The following POMGNT1 variants were observed in gnomAD, a reference collection of about 807,000 sequenced individuals.
The protein encoded by POMGNT1 is protein O-linked-mannose beta-1,2-N-acetylglucosaminyltransferase 1.
Under a neutral mutation model 95.6 loss-of-function variants are expected in POMGNT1, and 67 were observed. The observed-to-expected ratio is 0.70, with a 90% confidence interval of 0.58 to 0.86. The LOEUF is 0.86. Among genes scored for constraint, POMGNT1 ranks in the 40% least tolerant of loss-of-function variants. The pLI, the probability that POMGNT1 is intolerant of heterozygous loss-of-function variation, is 0.00. For missense variants in POMGNT1, 719 were observed against 855.2 expected, an observed-to-expected ratio of 0.84 and a Z score of 1.99; for synonymous variants, 298 against 317.9, an observed-to-expected ratio of 0.94 and a Z score of 0.66.
chr1:46,189,074 A>C lies in POMGNT1; in HGVS notation c.*196T>G, dbSNP rs1657535365. The C allele has an allele frequency of 6.6e-7, 1 of 1,517,980 alleles. No homozygotes were observed. Among genetic ancestry groups the C allele is most frequent in the Admixed American group, 2.2e-5 (1 of 46,108 alleles). The allele number at this position is 1,517,980 out of a possible 1,614,324, so 94.0% of individuals were successfully genotyped here. ...CTGCCCTTCTCCAACAAGGAAGTAA[A>C]TAAATAGACTTTTAACTCAGGAACG... On this transcript the variant is annotated 3_prime_UTR_variant, in exon 22 of 22. Coordinates refer to ENST00000371984, the MANE Select transcript of POMGNT1 (RefSeq NM_017739.4).
intron 1 of POMGNT1, among the ~76,000 whole-genome samples, chr1:46,208,767 G>A (rs1169093619): frequency 6.6e-6 from 1 of 152,134 alleles, no homozygotes; most frequent in Non-Finnish European, 1.5e-5. Flanking sequence ...CTTGAACCCT[G>A]GAGGCGGAGG....
intron 16 of POMGNT1, 37 bp from the exon 17 acceptor site, chr1:46,192,260 T>C (rs1657834589): frequency 2.5e-6 from 4 of 1,614,010 alleles, no homozygotes; most frequent in Non-Finnish European, 3.4e-6. Context: ...TTAAGATGTT[T>C]CGAGTTGGTA....
At chr1:46,209,609 A>G (rs1195976199) in intron 1 of POMGNT1, among the ~76,000 whole-genome samples, 1 of 150,090 alleles carries the variant, frequency 6.7e-6, no homozygotes, top group African/African-American at 2.5e-5. Context: ...CAGTGGCCCA[A>G]TCTCAGCTCA....
chr1:46,197,402 C>T (rs1459237317), intron 2 of POMGNT1: 10 of 1,486,762 alleles, frequency 6.7e-6, no homozygotes, highest in African/African-American at 1.4e-5. Context: ...GGGACCCAAG[C>T]GGGGGATCAG....
exon 1 of POMGNT1, chr1:46,220,105 C>A (rs768034344): frequency 6.2e-7 from 1 of 1,614,208 alleles, no homozygotes; most frequent in Non-Finnish European, 8.5e-7. Flanking sequence ...TGGAAGCCCC[C>A]AGGGGAGAGG....
In POMGNT1 at chr1:46,192,549, C is replaced by A; in HGVS notation, c.1253G>T (p.Ser418Ile). The change falls in exon 15 of 22, where the codon AGC (serine) becomes ATC (isoleucine). Residue 418 changes from serine to isoleucine, a missense_variant. Transcript: ENST00000371984. Reference protein sequence around the residue: ...QSIHLLEEDDSLYCISAWNDQ... With the variant: ...QSIHLLEEDDILYCISAWNDQ... Reference sequence around the variant, plus strand: ...ATTCCAGGCAGAGATGCAGTACAGGCTGTCATCCTCCTCCAGTAGGTGGAT... The same window carrying A: ...ATTCCAGGCAGAGATGCAGTACAGGATGTCATCCTCCTCCAGTAGGTGGAT... The A allele has an allele frequency of 6.2e-7, 1 of 1,614,204 alleles. No homozygotes were observed. The highest frequency in any genetic ancestry group is 8.5e-7 in the Non-Finnish European group (1 of 1,180,034).
chr1:46,201,861 G>T (rs1445845296), upstream of POMGNT1, among the ~76,000 whole-genome samples: 1 of 151,610 alleles, frequency 6.6e-6, no homozygotes. Context: ...GTGTGGCTGG[G>T]CATGGTGGCA....
At chr1:46,193,428 T>G in intron 11 of POMGNT1, 40 bp from the exon 12 acceptor site, 1 of 1,606,204 alleles carries the variant, frequency 6.2e-7, no homozygotes, top group East Asian at 2.2e-5. Flanking sequence ...GAGGTCACTT[T>G]CCCTCTGCCC....
intron 17 of POMGNT1, chr1:46,191,696 G>A (rs1325286232): frequency 1.8e-5 from 6 of 325,058 alleles, no homozygotes; most frequent in East Asian, 8.2e-5. Flanking sequence ...GTGCAGTGGC[G>A]TGATCTTGGC....
In POMGNT1 at chr1:46,192,301, C is replaced by T. The variant is rs372521038; in HGVS notation, c.1413+7G>A. The T allele has an allele frequency of 3.7e-6, 6 of 1,614,074 alleles. No homozygotes were observed. The African/African-American group carries it at 4.0e-5, about 11-fold the overall frequency. On this transcript the variant is annotated splice_region_variant and intron_variant, in intron 16 of 21. Transcript: ENST00000371984. ...CTCCAGCCCCCTCACCCTACCCTGACAGTTACCTTTTCCGGTGTAGGCCAC... is the reference window on the plus strand; with the variant it reads ...CTCCAGCCCCCTCACCCTACCCTGATAGTTACCTTTTCCGGTGTAGGCCAC...
At position 46,205,370 on chromosome 1, in the gene POMGNT1, A is replaced by G. The variant is rs1020833849; in HGVS notation, c.-50-7499T>C. Among the ~76,000 whole-genome samples the G allele has an allele frequency of 4.6e-5, 7 of 152,194 alleles. No homozygotes were observed. The South Asian group carries it at 6.2e-4, about 14-fold the overall frequency. On this transcript the variant is annotated intron_variant, in intron 1 of 22. Transcript: ENST00000371992. The stretch of plus-strand genomic sequence containing the variant: ...GTTTAATAACTGCCCAACATCACGC[A>G]AAAAGCAGGGCCATGATTTGAACCC...
At chr1:46,212,561 G>A (rs558151411) in intron 1 of POMGNT1, among the ~76,000 whole-genome samples, 19 of 151,418 alleles carry the variant, frequency 1.3e-4, no homozygotes, top group Admixed American at 1.1e-3. Context: ...GATTACAGGC[G>A]TGAGCCACTG....
upstream of POMGNT1, chr1:46,198,533 C>CGGCGGCGGCGGT (rs974312200): frequency 2.3e-4 from 35 of 150,298 alleles, no homozygotes; most frequent in African/African-American, 8.1e-4. Context: ...GCGGCGGCGG[C>CGGCGGCGGCGGT]GGCGGCGGTG....
intron 1 of POMGNT1, among the ~76,000 whole-genome samples, chr1:46,209,724 T>C (rs1176223190): frequency 6.6e-6 from 1 of 151,932 alleles, no homozygotes; most frequent in African/African-American, 2.4e-5. Context: ...TTGGCCAGGC[T>C]GGTCTTGAAC....
chr1:46,197,458 C>A, intron 2 of POMGNT1: 1 of 1,488,182 alleles, frequency 6.7e-7, no homozygotes, highest in Non-Finnish European at 8.9e-7. Context: ...TGCCTCTCTG[C>A]AAAGCCAGCC....
rs386834010 is a variant in POMGNT1, at chr1:46,194,359, C to T, written c.794G>A (p.Arg265His). ...CTCAACTTTGCTGCAGAAGCGCCGG[C>T]GGCGACGGTTCAGCTCTGTGTCTGC... Reference protein sequence around the residue: ...HWADTELNRRRRRFCSKVEGY... With the variant: ...HWADTELNRRHRRFCSKVEGY... The change falls in exon 9 of 22, where the codon CGC (arginine) becomes CAC (histidine). Residue 265 changes from arginine to histidine, a missense_variant. Physicochemically the swap from Arg to His is conservative, Grantham distance 29 (BLOSUM62 0). Around this residue, in one of 5 missense-constraint regions of POMGNT1, gnomAD observed 466 missense variants for 517.4 expected, o/e 0.90. Transcript: ENST00000371984. 1.9e-5 allele frequency: 31 copies of T among 1,614,084 alleles called. No individual in the cohort carries two copies. Among genetic ancestry groups the T allele is most frequent in the African/African-American group, 6.7e-5 (5 of 74,930 alleles).
upstream of POMGNT1, among the ~76,000 whole-genome samples, chr1:46,199,385 C>T (rs1231344803): frequency 1.3e-5 from 2 of 152,208 alleles, no homozygotes; most frequent in Non-Finnish European, 2.9e-5. Flanking sequence ...ATAAGAATTG[C>T]CAGGTTTAAA....
Position 46,192,183 on chromosome 1 carries a change from C to T in POMGNT1, c.1454G>A (p.Arg485His), listed in dbSNP as rs544816408. The change falls in exon 17 of 22, where the codon CGC becomes CAC. Residue 485 changes from arginine (R) to histidine (H), a missense_variant. This residue lies in a region of POMGNT1 where 118 missense variants were observed against 153.6 expected (regional missense o/e 0.77). Coordinates refer to ENST00000371984, the MANE Select transcript of POMGNT1 (RefSeq NM_017739.4). The part of the protein sequence containing the change: ...WDMWMRMPEQ[R>H]RGRECIIPDV... ...AGGGATGATGCACTCTCGGCCCCGG[C>T]GTTGTTCAGGCATCCGCATCCACAT... The T allele has an allele frequency of 7.4e-5, 120 of 1,614,164 alleles. 1 individual carries two copies. In the South Asian group the frequency reaches 8.9e-4, roughly 12 times the overall value.
At chr1:46,220,006 T>G in exon 1 of POMGNT1, 1 of 1,614,154 alleles carries the variant, frequency 6.2e-7, no homozygotes, top group African/African-American at 1.3e-5. Context: ...CGTTCCGAGA[T>G]GGACTGGGCA....
Sources: gnomAD v4.1 joint callset for allele counts (sites outside exome capture counted in the v4.1 genomes callset) on GRCh38, gnomAD v4.1.1 for gene constraint, gnomAD v4.1.1 regional missense constraint, MANE v1.5 for transcripts, NCBI Gene and HGNC (gene_info 2026-07-23, HGNC 2026-07-21) for gene names.